Variants in SRGAP3 observed in about 807,000 individuals in gnomAD.
SRGAP3 encodes the protein SLIT-ROBO Rho GTPase-activating protein 3.
Under a neutral mutation model 121.1 loss-of-function variants are expected in SRGAP3, and 39 were observed. That is an observed-to-expected ratio of 0.32 (90% CI 0.25 to 0.42). The LOEUF is 0.42. SRGAP3 is among the 10% of genes least tolerant of loss of function. SRGAP3 has a pLI of 1.00. For missense variants in SRGAP3, 1,213 were observed against 1,470.6 expected, an observed-to-expected ratio of 0.82 and a Z score of 2.86; for synonymous variants, 601 against 570.0, an observed-to-expected ratio of 1.05 and a Z score of -0.77.
At chr3:9,345,554 AGG>A (rs1460212808) in intron 1 of SRGAP3, among the ~76,000 whole-genome samples, 1 of 151,790 alleles carries the variant, frequency 6.6e-6, no homozygotes, top group Non-Finnish European at 1.5e-5. Context: ...AGGCCGAGGA[AGG>A]TGGATCACTT....
intron 1 of SRGAP3, among the ~76,000 whole-genome samples, chr3:9,136,363 G>A (rs1443109801): frequency 6.6e-6 from 1 of 150,400 alleles, no homozygotes; most frequent in African/African-American, 2.4e-5. Flanking sequence ...GTCAGCCGCC[G>A]CGCGCCGTTG....
intron 1 of SRGAP3, among the ~76,000 whole-genome samples, chr3:9,335,389 A>G (rs1955674677): frequency 6.6e-6 from 1 of 152,218 alleles, no homozygotes; most frequent in Admixed American, 6.5e-5. Flanking sequence ...TTTTAAATGG[A>G]AAACATCATG....
At chr3:9,268,580 C>T (rs1177473208) in intron 3 of SRGAP3, among the ~76,000 whole-genome samples, 2 of 152,084 alleles carry the variant, frequency 1.3e-5, no homozygotes, top group South Asian at 4.2e-4. Context: ...GACCTCAGCA[C>T]CAGGCACCAG....
chr3:9,189,202 C>T lies in SRGAP3; in HGVS notation c.67+59683G>A, dbSNP rs922866957. Among the ~76,000 whole-genome samples the T allele has an allele frequency of 7.9e-5, 12 of 152,310 alleles. No homozygotes were observed. In the East Asian group the frequency reaches 2.1e-3, roughly 27 times the overall value. On this transcript the variant is annotated intron_variant, in intron 1 of 21. Transcript: ENST00000383836. Reference sequence around the variant, plus strand: ...AGTCAATCTTGTCTCCTTTCTGCTCCTTGGCTAAATCAAATTAAAAACAAA... The same window carrying T: ...AGTCAATCTTGTCTCCTTTCTGCTCTTTGGCTAAATCAAATTAAAAACAAA...
chr3:9,068,166 T>C (rs1448378930), intron 4 of SRGAP3, among the ~76,000 whole-genome samples: 2 of 152,160 alleles, frequency 1.3e-5, no homozygotes, highest in Non-Finnish European at 2.9e-5. Flanking sequence ...TTTTGGCTTC[T>C]GAGTCTGCTT....
chr3:9,235,252 C>G (rs1953365063), intron 1 of SRGAP3, among the ~76,000 whole-genome samples: 1 of 152,196 alleles, frequency 6.6e-6, no homozygotes, highest in Non-Finnish European at 1.5e-5. Flanking sequence ...TTCCTATCAG[C>G]TTTATTTTTA....
At chr3:9,049,592 C>T (rs1256507146) in intron 9 of SRGAP3, 1 of 432,126 alleles carries the variant, frequency 2.3e-6, no homozygotes, top group Non-Finnish European at 4.6e-6. Context: ...CTCAGTGTTT[C>T]TCCAAGTGTG....
At chr3:9,308,720 G>A (rs988831925) in intron 3 of SRGAP3, among the ~76,000 whole-genome samples, 2 of 152,132 alleles carry the variant, frequency 1.3e-5, no homozygotes, top group Admixed American at 6.6e-5. Flanking sequence ...AGGAAGCAGA[G>A]GCTGATGGAA....
At chr3:9,146,107 G>A (rs892901284) in intron 1 of SRGAP3, among the ~76,000 whole-genome samples, 1 of 152,226 alleles carries the variant, frequency 6.6e-6, no homozygotes. Flanking sequence ...GAAGAGACTA[G>A]TTAGAAGGCT....
At chr3:9,133,575 T>C (rs1028639586) in intron 1 of SRGAP3, among the ~76,000 whole-genome samples, 7 of 152,244 alleles carry the variant, frequency 4.6e-5, no homozygotes, top group African/African-American at 1.7e-4. Flanking sequence ...AGAATTCCAC[T>C]GTAAGTTTTT....
chr3:9,021,836 T>C (rs1943937832), intron 14 of SRGAP3, among the ~76,000 whole-genome samples: 1 of 152,212 alleles, frequency 6.6e-6, no homozygotes. Flanking sequence ...ACGCCTGGAA[T>C]CCCAGCAATT....
chr3:9,168,269 G>A (rs1483653016), intron 1 of SRGAP3, among the ~76,000 whole-genome samples: 1 of 152,202 alleles, frequency 6.6e-6, no homozygotes, highest in Non-Finnish European at 1.5e-5. Flanking sequence ...GACAAACTCA[G>A]ACATTTCATC....
At chr3:9,219,127 G>A (rs987714508) in intron 1 of SRGAP3, 1 of 152,232 alleles carries the variant, frequency 6.6e-6, no homozygotes, top group South Asian at 2.1e-4. Flanking sequence ...GAACCATCAT[G>A]CCTGGCCAAA....
intron 1 of SRGAP3, chr3:9,194,251 C>T (rs1422029678): frequency 1.3e-5 from 2 of 152,122 alleles, no homozygotes; most frequent in South Asian, 4.1e-4. Context: ...AAAGCACAAG[C>T]CAAGTGGGGC....
intron 11 of SRGAP3, 139 bp downstream of exon 11, chr3:9,037,924 G>T: frequency 1.8e-6 from 2 of 1,140,610 alleles, no homozygotes; most frequent in South Asian, 1.2e-5. Flanking sequence ...GCCTCACCTG[G>T]GCACACCCAC....
chr3:9,087,768 T>G (rs1947565786), intron 3 of SRGAP3, among the ~76,000 whole-genome samples: 1 of 152,074 alleles, frequency 6.6e-6, no homozygotes, highest in African/African-American at 2.4e-5. Flanking sequence ...AGCAGAAGTT[T>G]AAGATGACCA....
At chr3:9,000,374 G>A (rs931309937) in intron 18 of SRGAP3, among the ~76,000 whole-genome samples, 2 of 152,182 alleles carry the variant, frequency 1.3e-5, no homozygotes, top group Non-Finnish European at 2.9e-5. Flanking sequence ...AGGATCTCTG[G>A]CTGCCCCTCC....
chr3:9,348,556 G>A (rs766234453), intron 1 of SRGAP3: 29 of 786,622 alleles, frequency 3.7e-5, no homozygotes, highest in South Asian at 1.3e-4. Context: ...ATAAGGAGGC[G>A]AAGTGTGGCA....
At chr3:9,334,643 C>G (rs1955661545) in intron 1 of SRGAP3, among the ~76,000 whole-genome samples, 1 of 152,138 alleles carries the variant, frequency 6.6e-6, no homozygotes, top group African/African-American at 2.4e-5. Context: ...GGAGGGTCCC[C>G]CTTCTTGAAA....
Sources: allele counts gnomAD v4.1 joint callset (sites outside exome capture counted in the v4.1 genomes callset), GRCh38; gene constraint gnomAD v4.1.1; transcripts MANE v1.5; gene names NCBI Gene and HGNC (gene_info 2026-07-23, HGNC 2026-07-21).